Variants in CCNC observed in about 807,000 individuals in gnomAD.
CCNC encodes the protein cyclin C, also known as cyclin-C.
Under a neutral mutation model 50.0 loss-of-function variants are expected in CCNC, and 19 were observed. The observed-to-expected ratio is 0.38, with a 90% CI of 0.27 to 0.56. The LOEUF (loss-of-function observed/expected upper bound fraction) is 0.56. Ranked by LOEUF, CCNC falls within the 20% of genes least tolerant of loss-of-function variation. The pLI, the probability that CCNC is intolerant of heterozygous loss-of-function variation, is 0.72. For missense variants in CCNC, 200 were observed against 327.1 expected, an observed-to-expected ratio of 0.61 and a Z score of 3.00; for synonymous variants, 93 against 103.7, an observed-to-expected ratio of 0.90 and a Z score of 0.63.
chr6:99,557,215 C>T (rs1802556624), intron 5 of CCNC: 1 of 152,172 alleles, frequency 6.6e-6, no homozygotes, highest in African/African-American at 2.4e-5. Flanking sequence ...TTCTCTGTAA[C>T]TCTCTTATAC....
chr6:99,550,065 T>C (rs1802228055), intron 8 of CCNC, among the ~76,000 whole-genome samples, 153 bp downstream of exon 8: 1 of 152,210 alleles, frequency 6.6e-6, no homozygotes. Context: ...TACACCACTA[T>C]AGTTATTAAA....
chr6:99,548,643 T>C (rs932606804), intron 9 of CCNC, among the ~76,000 whole-genome samples: 1 of 151,916 alleles, frequency 6.6e-6, no homozygotes, highest in African/African-American at 2.4e-5. Flanking sequence ...GGCGAAACCC[T>C]GTCTCTACTA....
At chr6:99,560,766 A>C (rs1310713710) in intron 4 of CCNC, among the ~76,000 whole-genome samples, 1 of 152,192 alleles carries the variant, frequency 6.6e-6, no homozygotes, top group Non-Finnish European at 1.5e-5. Context: ...CTACGCTCAC[A>C]ACCTCAACTT....
rs573823357 is a variant in CCNC, at chr6:99,566,310, T to TA, written c.32+2185dup. ...GGTTTATTTCATGTTTCCTTCTTAA[T>TA]ATTATTAAATAGAATATTTCTATTA... On this transcript the variant is annotated intron_variant, in intron 1 of 11. Coordinates refer to ENST00000520429, the MANE Select transcript of CCNC (RefSeq NM_005190.4). 4.0e-3 allele frequency among the ~76,000 whole-genome samples: 603 copies of TA among 152,118 alleles called. 4 individuals are homozygous for TA. The highest frequency in any genetic ancestry group is 0.014 in the African/African-American group (585 of 41,558).
At chr6:99,561,042 A>G (rs1802759100) in intron 4 of CCNC, among the ~76,000 whole-genome samples, 1 of 152,204 alleles carries the variant, frequency 6.6e-6, no homozygotes, top group South Asian at 2.1e-4. Context: ...CCATGGTTCA[A>G]ACACGGGCTC....
Position 99,543,484 on chromosome 6 carries a change from C to T in CCNC, c.*71G>A. ...GCTATTCATTTTCATTTGTGTTCCA[C>T]TGAAGACATTACTGAAATCTGTCCA... is the stretch of plus-strand genomic sequence containing the variant. On this transcript the variant is annotated 3_prime_UTR_variant, in exon 12 of 12. Coordinates refer to ENST00000520429, the MANE Select transcript of CCNC (RefSeq NM_005190.4). 1 of 1,511,350 alleles carries T rather than the reference C, an allele frequency of 6.6e-7. No homozygotes were observed. The highest frequency in any genetic ancestry group is 9.2e-7 in the Non-Finnish European group (1 of 1,090,048). The allele number at this position is 1,511,350 out of a possible 1,614,324, so 93.6% of individuals were successfully genotyped here.
At chr6:99,549,288 CAAAA>C (rs34144372) in intron 9 of CCNC, 300 of 489,882 alleles carry the variant, frequency 6.1e-4, no homozygotes, top group Middle Eastern at 2.2e-3. Context: ...TGAATGGTTT[CAAAA>C]AAAAAAAAAA....
At chr6:99,558,416 A>T in intron 5 of CCNC, 81 bp downstream of exon 5, 1 of 1,565,684 alleles carries the variant, frequency 6.4e-7, no homozygotes, top group Non-Finnish European at 8.6e-7. Flanking sequence ...ATGTCTCATA[A>T]ACTAAAAAAA....
intron 1 of CCNC, among the ~76,000 whole-genome samples, chr6:99,564,673 T>G (rs1769043205): frequency 6.6e-6 from 1 of 152,130 alleles, no homozygotes; most frequent in South Asian, 2.1e-4. Context: ...AAAATTTGTA[T>G]AGTATAAATA....
chr6:99,551,894 T>C lies in CCNC; in HGVS notation c.348A>G (p.Leu116=). ...GAAAGGCATATGAAAATCTAGTTTT[T>C]ACTGCAGAAAATAAAAAAAAAATTT... The part of the protein sequence containing the change: ...TRLIAAATSV[L]KTRFSYAFPK... The change falls in exon 6 of 12, where the codon TTA becomes TTG. Residue 116 remains leucine, a splice_region_variant and synonymous_variant. Transcript: ENST00000520429. The C allele has an allele frequency of 7.0e-7, 1 of 1,427,000 alleles. No individual in the cohort carries two copies. Among genetic ancestry groups the C allele is most frequent in the South Asian group, 1.4e-5 (1 of 73,122 alleles). 88.4% of individuals were successfully genotyped at this position (1,427,000 alleles called of 1,614,324 possible).
chr6:99,554,699 C>T (rs1802443346), intron 5 of CCNC, among the ~76,000 whole-genome samples: 1 of 152,112 alleles, frequency 6.6e-6, no homozygotes, highest in Non-Finnish European at 1.5e-5. Flanking sequence ...TTCTTTATTA[C>T]TGGCATTAAG....
intron 1 of CCNC, among the ~76,000 whole-genome samples, chr6:99,566,379 T>C (rs1769124282): frequency 6.6e-6 from 1 of 152,096 alleles, no homozygotes; most frequent in Non-Finnish European, 1.5e-5. Context: ...ACATTCAAGC[T>C]TTGGTTACAT....
chr6:99,556,556 C>T (rs908467004), intron 5 of CCNC, among the ~76,000 whole-genome samples: 5 of 152,000 alleles, frequency 3.3e-5, no homozygotes, highest in African/African-American at 7.3e-5. Context: ...CAGTGGCTCA[C>T]GCCTGTAATC....
At position 99,547,486 on chromosome 6, in the gene CCNC, C is replaced by CAA. The variant is rs200318712; in HGVS notation, c.599-1014_599-1013dup. Among the ~76,000 whole-genome samples, 177 of 130,678 alleles carry CAA rather than the reference C, an allele frequency of 1.4e-3. 2 individuals are homozygous for CAA. In the South Asian group the frequency reaches 0.021, roughly 16 times the overall value. The allele number at this position is 130,678 out of a possible 152,430, so 85.7% of individuals were successfully genotyped here. Reference sequence around the variant, plus strand: ...GAGCTGATATCTAAGCCAAGTCTTACAAAAAAAAAAAATGAGAGTGGGAGA... The same window carrying CAA: ...GAGCTGATATCTAAGCCAAGTCTTACAAAAAAAAAAAAAATGAGAGTGGGAGA... On this transcript the variant is annotated intron_variant, in intron 9 of 11. Coordinates refer to ENST00000520429, the MANE Select transcript of CCNC (RefSeq NM_005190.4).
intron 11 of CCNC, chr6:99,544,147 GAATACTT>G: frequency 6.7e-7 from 1 of 1,488,090 alleles, no homozygotes; most frequent in African/African-American, 1.4e-5. Flanking sequence ...TAAAAATGCT[GAATACTT>G]AAAAATAACT....
At chr6:99,558,592 G>A in intron 4 of CCNC, 44 bp from the exon 5 acceptor site, 1 of 1,546,696 alleles carries the variant, frequency 6.5e-7, no homozygotes, top group Non-Finnish European at 8.7e-7. Context: ...ATGAATCTAA[G>A]GGTATCTGAA....
Position 99,543,485 on chromosome 6 carries a change from T to G in CCNC, c.*70A>C, listed in dbSNP as rs1801951689. ...CTATTCATTTTCATTTGTGTTCCAC[T>G]GAAGACATTACTGAAATCTGTCCAA... On this transcript the variant is annotated 3_prime_UTR_variant, in exon 12 of 12. Coordinates refer to ENST00000520429, the MANE Select transcript of CCNC (RefSeq NM_005190.4). The G allele has an allele frequency of 6.6e-7, 1 of 1,516,406 alleles. No individual in the cohort carries two copies. The highest frequency in any genetic ancestry group is 1.4e-5 in the African/African-American group (1 of 73,080). The allele number at this position is 1,516,406 out of a possible 1,614,324, so 93.9% of individuals were successfully genotyped here.
At chr6:99,545,268 AC>A in intron 10 of CCNC, 38 bp from the exon 11 acceptor site, 2 of 1,043,740 alleles carry the variant, frequency 1.9e-6, no homozygotes, top group Non-Finnish European at 3.0e-6. Context: ...AGTGGCAAAA[AC>A]AAGCAACATT....
intron 11 of CCNC, 174 bp from the exon 12 acceptor site, chr6:99,543,783 G>C: frequency 1.4e-6 from 2 of 1,408,356 alleles, no homozygotes. Context: ...ACAAACATTG[G>C]TTTTATGTTT....
Sources: gnomAD v4.1 joint callset for allele counts (sites outside exome capture counted in the v4.1 genomes callset) on GRCh38, gnomAD v4.1.1 for gene constraint, MANE v1.5 for transcripts, NCBI Gene and HGNC (gene_info 2026-07-23, HGNC 2026-07-21) for gene names.